The following GLIS3 variants were observed in gnomAD, a reference collection of about 807,000 sequenced individuals.
GLIS3 encodes zinc finger protein GLIS3.
A neutral mutation model predicts 78.6 loss-of-function variants in GLIS3; 53 were observed. The ratio of observed to expected loss-of-function variants is 0.67; its 90% CI spans 0.54 to 0.85. The LOEUF is 0.85. Among genes scored for constraint, GLIS3 ranks in the 40% least tolerant of loss-of-function variants. GLIS3 has a pLI of 0.00. For synonymous variants in GLIS3, 684 were observed against 509.9 expected (o/e 1.34, Z -4.60); for missense variants, 1,703 against 1,231.1 (o/e 1.38, Z -5.74).
intron 2 of GLIS3, among the ~76,000 whole-genome samples, chr9:4,248,730 C>A (rs1052033367): frequency 1.3e-5 from 2 of 152,222 alleles, no homozygotes; most frequent in Non-Finnish European, 2.9e-5. Context: ...TCCTATTTCT[C>A]CACATTCTCT....
chr9:4,224,658 C>A (rs139391232), intron 2 of GLIS3, among the ~76,000 whole-genome samples: 1 of 152,074 alleles, frequency 6.6e-6, no homozygotes, highest in Non-Finnish European at 1.5e-5. Context: ...CTAACTTCAC[C>A]CTTTGTTACA....
chr9:4,057,555 A>G (rs1826248000), intron 4 of GLIS3, among the ~76,000 whole-genome samples: 1 of 152,186 alleles, frequency 6.6e-6, no homozygotes, highest in Non-Finnish European at 1.5e-5. Flanking sequence ...GGTCTGTTTC[A>G]GAATCATTAT....
intron 6 of GLIS3, among the ~76,000 whole-genome samples, chr9:3,903,792 T>G (rs551557147): frequency 6.6e-6 from 1 of 152,034 alleles, no homozygotes; most frequent in East Asian, 1.9e-4. Context: ...GTAGATGAGA[T>G]TGGGAGTGAT....
chr9:4,070,050 C>T (rs912947583), intron 4 of GLIS3, among the ~76,000 whole-genome samples: 4 of 152,066 alleles, frequency 2.6e-5, no homozygotes, highest in Non-Finnish European at 4.4e-5. Flanking sequence ...TTTTGTCCAG[C>T]TTACTTTTAT....
intron 8 of GLIS3, among the ~76,000 whole-genome samples, chr9:3,876,114 C>G (rs74660463): frequency 0.028 from 4,205 of 152,160 alleles, 212 homozygotes; most frequent in African/African-American, 0.096. Context: ...TAAGAAACAC[C>G]ACATCATCTA....
intron 2 of GLIS3, among the ~76,000 whole-genome samples, chr9:4,241,837 C>A (rs532020132): frequency 1.3e-5 from 2 of 152,232 alleles, no homozygotes; most frequent in African/African-American, 4.8e-5. Flanking sequence ...CACGTACCAC[C>A]ATGCCCAGCT....
intron 2 of GLIS3, among the ~76,000 whole-genome samples, chr9:4,191,262 C>T (rs1484839677): frequency 6.6e-6 from 1 of 152,098 alleles, no homozygotes; most frequent in Non-Finnish European, 1.5e-5. Flanking sequence ...AGTCAAGACC[C>T]ATCAGTGTGC....
At chr9:4,380,782 T>A in the GLIS3 span, among the ~76,000 whole-genome samples, 5 of 152,314 alleles carry the variant, frequency 3.3e-5, no homozygotes. Context: ...AGAATGTGGA[T>A]TTAATTCAAC....
At chr9:3,915,640 TC>T (rs1405337153) in intron 6 of GLIS3, among the ~76,000 whole-genome samples, 2 of 152,176 alleles carry the variant, frequency 1.3e-5, no homozygotes, top group Non-Finnish European at 2.9e-5. Context: ...TGTGTCTAAC[TC>T]CATTTGCAAA....
At chr9:4,004,937 G>C (rs898470139) in intron 4 of GLIS3, among the ~76,000 whole-genome samples, 1 of 152,178 alleles carries the variant, frequency 6.6e-6, no homozygotes, top group African/African-American at 2.4e-5. Flanking sequence ...GAATAAAGAA[G>C]TAACCTTCCC....
chr9:4,140,112 T>A (rs140814594), intron 2 of GLIS3, among the ~76,000 whole-genome samples: 39 of 152,286 alleles, frequency 2.6e-4, no homozygotes, highest in African/African-American at 8.7e-4. Flanking sequence ...TCGCTTGAGC[T>A]CTGGAGTGTG....
chr9:4,443,166 C>A, the GLIS3 span, among the ~76,000 whole-genome samples: 3 of 152,188 alleles, frequency 2.0e-5, no homozygotes, highest in Non-Finnish European at 4.4e-5. Context: ...CTCCAACTCT[C>A]ATGGAACATT....
At chr9:3,845,718 C>A (rs1818989604) in intron 9 of GLIS3, among the ~76,000 whole-genome samples, 1 of 152,192 alleles carries the variant, frequency 6.6e-6, no homozygotes, top group African/African-American at 2.4e-5. Flanking sequence ...TGTACACATA[C>A]ACACGTGCAT....
Position 3,828,291 on chromosome 9 carries a change from G to C in GLIS3, c.2774C>G (p.Ser925Cys), listed in dbSNP as rs1448181186. ...TVDRCPSQLS[S>C]VYTEG is the part of the protein sequence containing the mutation. ...GAGCTTTTAGCCTTCGGTGTAGACA[G>C]AGGAGAGCTGGCTAGGACAGCGGTC... The change falls in exon 11 of 11, where the codon TCT (serine) becomes TGT (cysteine). Residue 925 changes from serine (S) to cysteine (C), a missense_variant. Ser to Cys is a moderately radical substitution (Grantham distance 112). Coordinates refer to ENST00000381971, the MANE Select transcript of GLIS3 (RefSeq NM_001042413.2). 2 of 1,614,106 alleles carry C rather than the reference G, an allele frequency of 1.2e-6. No homozygotes were observed. The highest frequency in any genetic ancestry group is 1.7e-6 in the Non-Finnish European group (2 of 1,180,018).
chr9:4,046,753 A>G (rs1825283167), intron 4 of GLIS3, among the ~76,000 whole-genome samples: 1 of 152,222 alleles, frequency 6.6e-6, no homozygotes, highest in Non-Finnish European at 1.5e-5. Context: ...AAATTGTATT[A>G]TATGAAGAAT....
upstream of GLIS3, among the ~76,000 whole-genome samples, chr9:4,349,452 A>T (rs1817934981): frequency 1.3e-5 from 2 of 152,214 alleles, no homozygotes; most frequent in South Asian, 4.1e-4. Context: ...ACCCTCTCGT[A>T]GAGTCTAATT....
intron 2 of GLIS3, among the ~76,000 whole-genome samples, chr9:4,231,701 A>T (rs1160700433): frequency 2.6e-5 from 4 of 152,258 alleles, no homozygotes; most frequent in African/African-American, 9.6e-5. Context: ...AAACAGCTGT[A>T]AATCAATAAT....
At chr9:4,315,559 G>A (rs931158680) in intron 2 of GLIS3, among the ~76,000 whole-genome samples, 4 of 151,930 alleles carry the variant, frequency 2.6e-5, no homozygotes, top group Admixed American at 2.0e-4. Context: ...ACCCTCTGCC[G>A]CCTACATGCC....
chr9:4,129,097 C>G (rs1393203081), intron 2 of GLIS3, among the ~76,000 whole-genome samples: 1 of 152,184 alleles, frequency 6.6e-6, no homozygotes, highest in Non-Finnish European at 1.5e-5. Context: ...TGCAGGCAAA[C>G]AAGTCTGACC....
Sources: gnomAD v4.1 joint callset for allele counts (sites outside exome capture counted in the v4.1 genomes callset) on GRCh38, gnomAD v4.1.1 for gene constraint, MANE v1.5 for transcripts, NCBI Gene and HGNC (gene_info 2026-07-23, HGNC 2026-07-21) for gene names.